The following C1orf21 variants were observed in gnomAD, a reference collection of about 807,000 sequenced individuals.
The protein encoded by C1orf21 is uncharacterized protein C1orf21.
A neutral mutation model predicts 18.7 loss-of-function variants in C1orf21; 3 were observed. The ratio of observed to expected loss-of-function variants is 0.16; its 90% CI spans 0.07 to 0.42. C1orf21 has a LOEUF of 0.42. Ranked by LOEUF, C1orf21 falls within the 10% of genes least tolerant of loss-of-function variation. The pLI is 0.99. For synonymous variants in C1orf21, 41 were observed against 46.4 expected (o/e 0.88, Z 0.47); for missense variants, 104 against 143.6 (o/e 0.72, Z 1.41).
chr1:184,486,277 G>A (rs1344049186), intron 2 of C1orf21, among the ~76,000 whole-genome samples: 1 of 152,226 alleles, frequency 6.6e-6, no homozygotes, highest in Admixed American at 6.5e-5. Context: ...GTGTATGTGA[G>A]CATGGAATGG....
At chr1:184,528,590 G>A (rs1011127707) in intron 3 of C1orf21, among the ~76,000 whole-genome samples, 4 of 151,958 alleles carry the variant, frequency 2.6e-5, no homozygotes, top group African/African-American at 4.8e-5. Context: ...GATTACAGGC[G>A]CCTGCTACCA....
chr1:184,432,151 A>C (rs1656775200), intron 1 of C1orf21, among the ~76,000 whole-genome samples: 1 of 152,220 alleles, frequency 6.6e-6, no homozygotes, highest in Admixed American at 6.5e-5. Context: ...ATACCATTTG[A>C]CCCAGCAATC....
At chr1:184,560,974 T>C (rs915001158) in intron 3 of C1orf21, among the ~76,000 whole-genome samples, 3 of 152,238 alleles carry the variant, frequency 2.0e-5, no homozygotes, top group African/African-American at 4.8e-5. Context: ...TAAGCCTTCT[T>C]GAAAGATTTA....
intron 2 of C1orf21, among the ~76,000 whole-genome samples, chr1:184,503,788 C>T (rs1336101976): frequency 6.6e-6 from 1 of 152,080 alleles, no homozygotes; most frequent in Non-Finnish European, 1.5e-5. Flanking sequence ...GAAGATCTGC[C>T]ACGAGGTTAC....
intron 1 of C1orf21, among the ~76,000 whole-genome samples, chr1:184,464,355 G>C (rs1657355117): frequency 6.6e-6 from 1 of 152,138 alleles, no homozygotes; most frequent in Admixed American, 6.5e-5. Context: ...ATAATTATGG[G>C]GTGTGCTGGG....
At chr1:184,458,111 C>G (rs1193966333) in intron 1 of C1orf21, among the ~76,000 whole-genome samples, 1 of 152,144 alleles carries the variant, frequency 6.6e-6, no homozygotes, top group Admixed American at 6.5e-5. Context: ...GACTCCAAAG[C>G]CTACGTTCCT....
At chr1:184,452,935 A>G (rs961744805) in intron 1 of C1orf21, among the ~76,000 whole-genome samples, 2 of 152,150 alleles carry the variant, frequency 1.3e-5, no homozygotes, top group Admixed American at 6.5e-5. Flanking sequence ...TGTCCCTGGT[A>G]TCATGAGGAG....
chr1:184,387,596 G>T lies in C1orf21; in HGVS notation c.-125+228G>T, dbSNP rs562913300. Among the ~76,000 whole-genome samples, 1 of 152,030 alleles carries T rather than the reference G, an allele frequency of 6.6e-6. No individual in the cohort carries two copies. The highest frequency in any genetic ancestry group is 1.5e-5 in the Non-Finnish European group (1 of 67,974). The stretch of plus-strand genomic sequence containing the variant: ...TGCTGCCAGGGACGGAAGCTGGGGT[G>T]GGGGAGCCGCGAGGGGCGTCTGCCG... On this transcript the variant is annotated intron_variant, in intron 1 of 5. Coordinates refer to ENST00000235307, the MANE Select transcript of C1orf21 (RefSeq NM_030806.4). This position sits in a 1 kb window ranked among gnomAD's most constrained non-coding sequence, Gnocchi z 5.6.
chr1:184,587,261 G>C (rs1659366843), intron 3 of C1orf21, among the ~76,000 whole-genome samples: 4 of 108,760 alleles, frequency 3.7e-5, no homozygotes, highest in South Asian at 2.7e-4. Context: ...GGCTATTTGG[G>C]CTTTTTTTTT....
intron 3 of C1orf21, among the ~76,000 whole-genome samples, chr1:184,579,661 C>A (rs1388323938): frequency 6.6e-6 from 1 of 151,858 alleles, no homozygotes; most frequent in African/African-American, 2.4e-5. Flanking sequence ...CAGGCACCCA[C>A]CACCACACCT....
intron 1 of C1orf21, among the ~76,000 whole-genome samples, chr1:184,459,000 A>G (rs2101982874): frequency 6.6e-6 from 1 of 152,336 alleles, no homozygotes; most frequent in Middle Eastern, 3.4e-3. Context: ...GCAGTATATC[A>G]ATAGTAATCA....
chr1:184,451,307 T>C (rs1657116088), intron 1 of C1orf21, among the ~76,000 whole-genome samples: 2 of 152,042 alleles, frequency 1.3e-5, no homozygotes, highest in African/African-American at 4.8e-5. Context: ...TTTTATTTTT[T>C]CGGGACAAGG....
At chr1:184,445,343 C>CCT (rs57710614) in intron 1 of C1orf21, among the ~76,000 whole-genome samples, 15,780 of 134,690 alleles carry the variant, frequency 0.12, 910 homozygotes, top group African/African-American at 0.16. Context: ...TTTTTTCAGA[C>CCT]CTCTCTCTCT....
chr1:184,564,910 G>A (rs889057840), intron 3 of C1orf21, among the ~76,000 whole-genome samples: 3 of 152,106 alleles, frequency 2.0e-5, no homozygotes, highest in Non-Finnish European at 4.4e-5. Context: ...ACCTGTTTTC[G>A]TTCTGCTACC....
intron 3 of C1orf21, among the ~76,000 whole-genome samples, chr1:184,554,493 A>C (rs1243896317): frequency 6.6e-6 from 1 of 152,234 alleles, no homozygotes. Context: ...AATTTGAATT[A>C]CAATAAAAGG....
intron 1 of C1orf21, among the ~76,000 whole-genome samples, chr1:184,453,504 A>G (rs1163811435): frequency 6.6e-6 from 1 of 152,214 alleles, no homozygotes; most frequent in Admixed American, 6.5e-5. Context: ...AAGCTACTCA[A>G]TGTAAACATT....
At chr1:184,604,602 A>T (rs1311342563) in intron 5 of C1orf21, among the ~76,000 whole-genome samples, 1 of 152,164 alleles carries the variant, frequency 6.6e-6, no homozygotes, top group Non-Finnish European at 1.5e-5. Context: ...CTTCAGCCAA[A>T]TTAGAGCTAT....
In C1orf21 at chr1:184,572,843, T is replaced by C. The variant is rs190608085; in HGVS notation, c.190-17896T>C. On this transcript the variant is annotated intron_variant, in intron 3 of 5. Transcript: ENST00000235307. Reference sequence around the variant, plus strand: ...GGCATGCACCTGTAATCTCAGCTACTCAGGAGGCTGAGGCAGGAGACTCGC... The same window carrying C: ...GGCATGCACCTGTAATCTCAGCTACCCAGGAGGCTGAGGCAGGAGACTCGC... 2.5e-4 allele frequency among the ~76,000 whole-genome samples: 38 copies of C among 151,892 alleles called. No individual in the cohort carries two copies. In the East Asian group the frequency reaches 6.8e-3, roughly 27 times the overall value.
intron 5 of C1orf21, among the ~76,000 whole-genome samples, chr1:184,618,887 C>T (rs1036982629): frequency 6.6e-6 from 1 of 152,144 alleles, no homozygotes; most frequent in Non-Finnish European, 1.5e-5. Context: ...GAGTTTATGA[C>T]CTAGAGGAGA....
Sources: allele counts gnomAD v4.1 joint callset (sites outside exome capture counted in the v4.1 genomes callset), GRCh38; gene constraint gnomAD v4.1.1; non-coding constraint Gnocchi (gnomAD v3.1); transcripts MANE v1.5; gene names NCBI Gene and HGNC (gene_info 2026-07-23, HGNC 2026-07-21).